Variants in FRMD5 observed in about 807,000 individuals in gnomAD.
FRMD5 encodes the protein FERM domain-containing protein 5.
FRMD5 carries 20 observed loss-of-function variants against 69.0 expected under a neutral mutation model. The observed-to-expected ratio is 0.29, with a 90% CI of 0.20 to 0.42. The LOEUF is 0.42. Ranked by LOEUF, FRMD5 falls within the 10% of genes least tolerant of loss-of-function variation. The pLI is 1.00. For missense variants in FRMD5, 595 were observed against 708.6 expected (o/e 0.84, Z 1.82); for synonymous variants, 271 against 260.1 (o/e 1.04, Z -0.40).
intron 1 of FRMD5, among the ~76,000 whole-genome samples, chr15:43,925,615 T>C (rs1240193517): frequency 6.6e-6 from 1 of 152,238 alleles, no homozygotes; most frequent in Non-Finnish European, 1.5e-5. Flanking sequence ...TTAATTCTTG[T>C]TGCTCTCAGA....
intron 5 of FRMD5, among the ~76,000 whole-genome samples, chr15:43,909,455 A>G (rs1391088153): frequency 4.0e-5 from 6 of 151,488 alleles, no homozygotes; most frequent in Non-Finnish European, 7.4e-5. Flanking sequence ...CTCTGCTTCA[A>G]GTTAGATACT....
At chr15:43,950,867 C>T (rs2090015737) in intron 1 of FRMD5, among the ~76,000 whole-genome samples, 1 of 152,186 alleles carries the variant, frequency 6.6e-6, no homozygotes, top group African/African-American at 2.4e-5. Context: ...ACTTTGATTA[C>T]AGGCAAAGTG....
At chr15:43,960,357 C>T (rs572540543) in intron 1 of FRMD5, among the ~76,000 whole-genome samples, 8 of 152,378 alleles carry the variant, frequency 5.3e-5, no homozygotes, top group African/African-American at 1.9e-4. Flanking sequence ...TCATGCCGTT[C>T]TCCTGCCTCA....
intron 1 of FRMD5, among the ~76,000 whole-genome samples, chr15:43,980,520 TGAG>T (rs2090532130): frequency 6.6e-6 from 1 of 152,248 alleles, no homozygotes; most frequent in Non-Finnish European, 1.5e-5. Context: ...CTGATTTTAA[TGAG>T]AAGCTGGCCC....
At position 43,874,030 on chromosome 15, in the gene FRMD5, G is replaced by C. The variant is rs755366999; in HGVS notation, c.1568C>G (p.Thr523Ser). The C allele has an allele frequency of 4.3e-6, 7 of 1,614,134 alleles. No homozygotes were observed. The African/African-American group carries it at 9.3e-5, about 22-fold the overall frequency. The change falls in exon 14 of 14, where the codon ACC (threonine) becomes AGC (serine). Residue 523 changes from threonine to serine, a missense_variant. By Grantham distance (58) the Thr-to-Ser change is moderately conservative. This residue lies in a region of FRMD5 where 245 missense variants were observed against 227.1 expected (regional missense o/e 1.08). Transcript: ENST00000417257. The part of the protein sequence containing the change: ...FVLLLLLIIL[T>S]ESDLDIAFFR... ...AAAGGCAATGTCAAGGTCAGACTCG[G>C]TAAGGATGATCAGGAGGAGGAGCAA...
chr15:44,033,130 T>A (rs1027273219), intron 1 of FRMD5, among the ~76,000 whole-genome samples: 2 of 152,200 alleles, frequency 1.3e-5, no homozygotes, highest in African/African-American at 4.8e-5. Flanking sequence ...ATACCACATG[T>A]TCTTACTTAT....
At chr15:44,018,369 T>C (rs952442466) in intron 1 of FRMD5, among the ~76,000 whole-genome samples, 4 of 152,212 alleles carry the variant, frequency 2.6e-5, no homozygotes, top group Non-Finnish European at 5.9e-5. Context: ...GGGTAACTCC[T>C]TTAGTAAAGT....
At chr15:44,124,348 A>G (rs1038237371) in intron 1 of FRMD5, among the ~76,000 whole-genome samples, 2 of 152,008 alleles carry the variant, frequency 1.3e-5, no homozygotes, top group South Asian at 4.2e-4. Flanking sequence ...AATATTCAGT[A>G]TCCTCAAAAT....
intron 1 of FRMD5, among the ~76,000 whole-genome samples, chr15:44,003,655 T>C (rs1890311790): frequency 6.6e-6 from 1 of 152,152 alleles, no homozygotes. Flanking sequence ...TTTACTTCCT[T>C]CAAGTGTTCA....
At chr15:43,884,908 A>C in intron 11 of FRMD5, 113 bp from the exon 12 acceptor site, 1 of 870,834 alleles carries the variant, frequency 1.1e-6, no homozygotes, top group Non-Finnish European at 1.9e-6. Context: ...TCTGTGGCCC[A>C]CCCTTTCCCT....
At chr15:43,876,550 AG>A (rs1247577278) in intron 13 of FRMD5, among the ~76,000 whole-genome samples, 1 of 152,214 alleles carries the variant, frequency 6.6e-6, no homozygotes, top group Admixed American at 6.5e-5. Context: ...AATGGGGAGA[AG>A]GGGAATATGT....
chr15:43,873,171 C>T lies in FRMD5; in HGVS notation c.*714G>A, dbSNP rs2088209312. The T allele has an allele frequency of 2.6e-6, 4 of 1,550,154 alleles. No homozygotes were observed. The highest frequency in any genetic ancestry group is 3.5e-6 in the Non-Finnish European group (4 of 1,146,696). ...CTCTAGACTAAGGGGACAGACTTAC[C>T]CCACCCCTGATGCTGCTGTTGCTGT... On this transcript the variant is annotated 3_prime_UTR_variant, in exon 14 of 14. Coordinates refer to ENST00000417257, the MANE Select transcript of FRMD5 (RefSeq NM_032892.5).
At chr15:44,131,644 T>C (rs2140420453) in intron 1 of FRMD5, among the ~76,000 whole-genome samples, 1 of 152,328 alleles carries the variant, frequency 6.6e-6, no homozygotes, top group East Asian at 1.9e-4. Context: ...TGCTCTAATA[T>C]AGATGAACCT....
chr15:43,952,007 TG>T (rs2090042945), intron 1 of FRMD5, among the ~76,000 whole-genome samples: 1 of 137,818 alleles, frequency 7.3e-6, no homozygotes, highest in Non-Finnish European at 1.6e-5. Context: ...TGTCTGTGTG[TG>T]TGTGTGTGTG....
intron 1 of FRMD5, among the ~76,000 whole-genome samples, chr15:43,952,000 C>CTGTGTGTGTG (rs367759637): frequency 8.1e-6 from 1 of 123,690 alleles, no homozygotes; most frequent in Non-Finnish European, 1.7e-5. Flanking sequence ...GTGTGTGTGT[C>CTGTGTGTGTG]TGTGTGTGTG....
chr15:44,030,561 G>A (rs1213601247), intron 1 of FRMD5, among the ~76,000 whole-genome samples: 1 of 152,108 alleles, frequency 6.6e-6, no homozygotes, highest in African/African-American at 2.4e-5. Context: ...TCATTCTCAA[G>A]CTTAATGGAA....
chr15:44,042,073 G>A (rs995314216), intron 1 of FRMD5, among the ~76,000 whole-genome samples: 5 of 152,044 alleles, frequency 3.3e-5, no homozygotes, highest in African/African-American at 1.2e-4. Context: ...GAATCAAATA[G>A]ATGCAATAAA....
chr15:44,113,547 T>C (rs894903081), intron 1 of FRMD5, among the ~76,000 whole-genome samples: 4 of 152,220 alleles, frequency 2.6e-5, no homozygotes, highest in Admixed American at 2.6e-4. Context: ...ATCCTTTGTG[T>C]TACAAACAAT....
chr15:43,873,181 A>ATGCTGC lies in FRMD5; in HGVS notation c.*698_*703dup. On this transcript the variant is annotated 3_prime_UTR_variant, in exon 14 of 14. Coordinates refer to ENST00000417257, the MANE Select transcript of FRMD5 (RefSeq NM_032892.5). ...AGGGGACAGACTTACCCCACCCCTGATGCTGCTGTTGCTGTAGCGGTGGTC... is the reference window on the plus strand; with the variant it reads ...AGGGGACAGACTTACCCCACCCCTGATGCTGCTGCTGCTGTTGCTGTAGCGGTGGTC... 6.4e-6 allele frequency: 10 copies of ATGCTGC among 1,550,532 alleles called. No individual in the cohort carries two copies. Among genetic ancestry groups the ATGCTGC allele is most frequent in the Non-Finnish European group, 8.7e-6 (10 of 1,146,936 alleles).
Sources: allele counts gnomAD v4.1 joint callset (sites outside exome capture counted in the v4.1 genomes callset), GRCh38; gene constraint gnomAD v4.1.1; regional missense constraint gnomAD v4.1.1; transcripts MANE v1.5; gene names NCBI Gene and HGNC (gene_info 2026-07-23, HGNC 2026-07-21).